Variants in CCSER1 observed in about 807,000 individuals in gnomAD.
The protein encoded by CCSER1 is serine-rich coiled-coil domain-containing protein 1.
CCSER1 carries 41 observed loss-of-function variants against 82.0 expected under a neutral mutation model. That is an observed-to-expected ratio of 0.50 (90% CI 0.39 to 0.65). The LOEUF is 0.65. Ranked by LOEUF, CCSER1 falls within the 30% of genes least tolerant of loss-of-function variation. The pLI is 0.00. For missense variants in CCSER1, 1,119 were observed against 1,064.2 expected (o/e 1.05, Z -0.72); for synonymous variants, 414 against 383.9 (o/e 1.08, Z -0.92).
chr4:90,546,460 C>T (rs556236389), intron 5 of CCSER1, among the ~76,000 whole-genome samples: 1 of 152,218 alleles, frequency 6.6e-6, no homozygotes, highest in East Asian at 1.9e-4. Flanking sequence ...CAGAGATATG[C>T]TCTGCCCTGA....
intron 6 of CCSER1, among the ~76,000 whole-genome samples, chr4:90,713,993 TTC>T (rs1741149050): frequency 6.6e-6 from 1 of 151,962 alleles, no homozygotes; most frequent in Non-Finnish European, 1.5e-5. Context: ...CATCAGACAT[TTC>T]TCTCTAAGTC....
intron 3 of CCSER1, among the ~76,000 whole-genome samples, chr4:90,325,121 T>A (rs901301461): frequency 6.6e-6 from 1 of 152,228 alleles, no homozygotes; most frequent in Admixed American, 6.5e-5. Context: ...TTTTGGTTCT[T>A]ATGAATGTGC....
chr4:90,814,974 G>A (rs1414661103), intron 7 of CCSER1, among the ~76,000 whole-genome samples: 1 of 152,076 alleles, frequency 6.6e-6, no homozygotes, highest in African/African-American at 2.4e-5. Context: ...TTATAGCAGT[G>A]CCCCACTCCA....
At chr4:90,478,518 AATTGGTTT>A (rs1385274449) in intron 5 of CCSER1, among the ~76,000 whole-genome samples, 3 of 152,132 alleles carry the variant, frequency 2.0e-5, no homozygotes, top group Non-Finnish European at 2.9e-5. Context: ...TAAAATAATA[AATTGGTTT>A]ATTCAGTAAC....
At chr4:91,327,142 C>CTATA (rs1746624258) in intron 10 of CCSER1, among the ~76,000 whole-genome samples, 1 of 151,662 alleles carries the variant, frequency 6.6e-6, no homozygotes. Context: ...AGTGGGAACT[C>CTATA]TATGTGGGGG....
At chr4:91,468,040 G>A (rs553039134) in intron 10 of CCSER1, among the ~76,000 whole-genome samples, 3 of 152,226 alleles carry the variant, frequency 2.0e-5, no homozygotes, top group African/African-American at 7.2e-5. Flanking sequence ...CTGCTATAAA[G>A]ACACATACAC....
intron 10 of CCSER1, among the ~76,000 whole-genome samples, chr4:91,466,407 G>C (rs1043623327): frequency 6.6e-6 from 1 of 152,108 alleles, no homozygotes; most frequent in African/African-American, 2.4e-5. Flanking sequence ...ATATTGAATG[G>C]GCAGAAAGTG....
intron 10 of CCSER1, among the ~76,000 whole-genome samples, chr4:91,340,127 A>G (rs1303194407): frequency 6.6e-6 from 1 of 152,200 alleles, no homozygotes; most frequent in Non-Finnish European, 1.5e-5. Context: ...AAAAAACAAA[A>G]AAAGATTAAT....
chr4:90,650,290 T>C (rs552831131), intron 6 of CCSER1, among the ~76,000 whole-genome samples: 6 of 152,110 alleles, frequency 3.9e-5, no homozygotes, highest in Admixed American at 2.6e-4. Context: ...AAGAATCTTT[T>C]TGAGCAAAAA....
intron 6 of CCSER1, among the ~76,000 whole-genome samples, chr4:90,668,561 A>T (rs907551670): frequency 6.6e-6 from 1 of 152,148 alleles, no homozygotes; most frequent in Non-Finnish European, 1.5e-5. Context: ...TTATATGCTG[A>T]GCTTTGATAA....
intron 10 of CCSER1, among the ~76,000 whole-genome samples, chr4:91,337,017 A>T (rs998177168): frequency 6.6e-6 from 1 of 152,130 alleles, no homozygotes; most frequent in African/African-American, 2.4e-5. Context: ...TCAGTATTAG[A>T]CCTTTTTCAT....
At chr4:90,271,862 A>ATTTT (rs1176154331) in intron 1 of CCSER1, among the ~76,000 whole-genome samples, 13 of 21,748 alleles carry the variant, frequency 6.0e-4, no homozygotes, top group Admixed American at 8.1e-4. Flanking sequence ...ATATATATAT[A>ATTTT]TTTTTTTTTT....
rs189223302 is a variant in CCSER1, at chr4:90,148,570, T to G, written c.-42+20739T>G. 2.2e-4 allele frequency among the ~76,000 whole-genome samples: 34 copies of G among 152,276 alleles called. 1 individual carries two copies. The highest frequency in any genetic ancestry group is 2.2e-3 in the Admixed American group (34 of 15,286). ...TGGTTAGAGAGAAGGATCAGAGAGA[T>G]AGGAATTTACCTACCTGCCATAACA... is the stretch of plus-strand genomic sequence containing the variant. On this transcript the variant is annotated intron_variant, in intron 1 of 10. Transcript: ENST00000509176.
At chr4:91,396,617 A>G (rs998234721) in intron 10 of CCSER1, among the ~76,000 whole-genome samples, 3 of 152,056 alleles carry the variant, frequency 2.0e-5, no homozygotes, top group Admixed American at 2.0e-4. Context: ...TCATAATTGA[A>G]GTTGCCTAGC....
chr4:90,575,234 T>A (rs1560746528), intron 5 of CCSER1, among the ~76,000 whole-genome samples: 2 of 152,216 alleles, frequency 1.3e-5, no homozygotes, highest in African/African-American at 2.4e-5. Flanking sequence ...TGACTTAAAT[T>A]TCTGAAGGCT....
At chr4:91,456,566 G>GT (rs951814324) in intron 10 of CCSER1, among the ~76,000 whole-genome samples, 8 of 151,612 alleles carry the variant, frequency 5.3e-5, no homozygotes, top group Admixed American at 3.9e-4. Flanking sequence ...CTTTTTTTAA[G>GT]TTTTTTTCAT....
intron 1 of CCSER1, among the ~76,000 whole-genome samples, chr4:90,219,354 C>T (rs11097245): frequency 1.3e-5 from 2 of 152,098 alleles, no homozygotes; most frequent in Non-Finnish European, 2.9e-5. Flanking sequence ...GATTAATTCT[C>T]TTATCAGGTT....
intron 5 of CCSER1, among the ~76,000 whole-genome samples, chr4:90,560,094 C>G (rs1484255140): frequency 6.6e-6 from 1 of 151,998 alleles, no homozygotes; most frequent in Admixed American, 6.6e-5. Context: ...ATTTGCATAT[C>G]ATATAATTGG....
intron 10 of CCSER1, among the ~76,000 whole-genome samples, chr4:91,313,268 T>G (rs1320047392): frequency 1.3e-5 from 2 of 151,924 alleles, no homozygotes; most frequent in Non-Finnish European, 2.9e-5. Context: ...TTTTTTGGTC[T>G]TATTACTAGC....
Sources: allele counts gnomAD v4.1 joint callset (sites outside exome capture counted in the v4.1 genomes callset), GRCh38; gene constraint gnomAD v4.1.1; transcripts MANE v1.5; gene names NCBI Gene and HGNC (gene_info 2026-07-23, HGNC 2026-07-21).